The following RALGPS2 variants were observed in gnomAD, a reference collection of about 807,000 sequenced individuals.
RALGPS2 encodes ras-specific guanine nucleotide-releasing factor RalGPS2.
RALGPS2 carries 43 observed loss-of-function variants against 86.8 expected under a neutral mutation model. The observed-to-expected ratio is 0.50, with a 90% confidence interval of 0.39 to 0.64. The LOEUF (loss-of-function observed/expected upper bound fraction) is 0.64, where lower values mean the gene tolerates loss of function less well. Among genes scored for constraint, RALGPS2 ranks in the 30% least tolerant of loss-of-function variants. RALGPS2 has a pLI of 0.00. For missense variants in RALGPS2, 536 were observed against 694.6 expected, an observed-to-expected ratio of 0.77 and a Z score of 2.57; for synonymous variants, 243 against 231.3, an observed-to-expected ratio of 1.05 and a Z score of -0.46.
At chr1:178,791,372 C>G (rs1653948957) in intron 4 of RALGPS2, among the ~76,000 whole-genome samples, 1 of 151,718 alleles carries the variant, frequency 6.6e-6, no homozygotes, top group Non-Finnish European at 1.5e-5. Context: ...CAAGCGATCC[C>G]CCGGCCTCGG....
intron 4 of RALGPS2, among the ~76,000 whole-genome samples, chr1:178,793,242 T>A (rs1035526821): frequency 2.0e-5 from 3 of 152,098 alleles, no homozygotes; most frequent in African/African-American, 7.2e-5. Flanking sequence ...GCCTTGAAAT[T>A]TTTTTTAAAT....
chr1:178,818,556 G>A lies in RALGPS2; in HGVS notation c.388-3056G>A, dbSNP rs145566569. Among the ~76,000 whole-genome samples, 118 of 152,262 alleles carry A rather than the reference G, an allele frequency of 7.7e-4. 4 individuals carry two copies. The East Asian group carries it at 0.022, about 28-fold the overall frequency. The stretch of plus-strand genomic sequence containing the variant: ...ATCTAAGTCCCAGAGATCTCTCTCT[G>A]CTTTCTAACCCAGCTGTCAGCCTCC... On this transcript the variant is annotated intron_variant, in intron 6 of 19. Coordinates refer to ENST00000367635, the MANE Select transcript of RALGPS2 (RefSeq NM_152663.5).
intron 4 of RALGPS2, among the ~76,000 whole-genome samples, chr1:178,802,122 G>T (rs1379096998): frequency 6.6e-6 from 1 of 151,928 alleles, no homozygotes; most frequent in Non-Finnish European, 1.5e-5. Flanking sequence ...ACTACTCATA[G>T]CCTACCATTG....
intron 1 of RALGPS2, among the ~76,000 whole-genome samples, chr1:178,735,883 A>G (rs959395531): frequency 6.6e-6 from 1 of 151,502 alleles, no homozygotes; most frequent in African/African-American, 2.4e-5. Context: ...TATTGTGTGA[A>G]TGTATCATTA....
intron 8 of RALGPS2, among the ~76,000 whole-genome samples, chr1:178,862,033 C>T (rs1218000711): frequency 6.6e-6 from 1 of 151,940 alleles, no homozygotes; most frequent in Non-Finnish European, 1.5e-5. Flanking sequence ...CCACCATGCC[C>T]AATACTTTTT....
At chr1:178,879,078 A>T in intron 10 of RALGPS2, 86 bp downstream of exon 10, 1 of 1,516,652 alleles carries the variant, frequency 6.6e-7, no homozygotes, top group Non-Finnish European at 8.8e-7. Context: ...TCTAAATCCT[A>T]CATGGTATCA....
intron 1 of RALGPS2, among the ~76,000 whole-genome samples, chr1:178,775,921 A>G (rs1029261632): frequency 2.4e-5 from 3 of 124,306 alleles, no homozygotes; most frequent in East Asian, 4.3e-4. Flanking sequence ...TACTTGGGGC[A>G]AAAAAAAAAA....
rs1659463878 is a variant in RALGPS2, at chr1:178,885,998, T to A, written c.1070T>A (p.Phe357Tyr). ...ATTCATAAAATGAACACAGCAGAATTTAAGAGTGCAACGTTTCCAAATGCA... is the reference window on the plus strand; with the variant it reads ...ATTCATAAAATGAACACAGCAGAATATAAGAGTGCAACGTTTCCAAATGCA... ...NFIHKMNTAE[F>Y]KSATFPNAGP... is the part of the protein sequence containing the mutation. Residue 357 changes from phenylalanine (F) to tyrosine (Y), a missense_variant, in exon 13 of 20, where the codon TTT (phenylalanine) becomes TAT (tyrosine). Physicochemically the swap from Phe to Tyr is conservative, Grantham distance 22. Coordinates refer to ENST00000367635, the MANE Select transcript of RALGPS2 (RefSeq NM_152663.5). 4 of 1,609,562 alleles carry A rather than the reference T, an allele frequency of 2.5e-6. No homozygotes were observed. Among genetic ancestry groups the A allele is most frequent in the Non-Finnish European group, 1.7e-6 (2 of 1,178,016 alleles).
intron 8 of RALGPS2, among the ~76,000 whole-genome samples, chr1:178,834,421 A>G (rs1293689560): frequency 6.6e-6 from 1 of 152,210 alleles, no homozygotes; most frequent in Non-Finnish European, 1.5e-5. Flanking sequence ...TTACAGTCCC[A>G]GTGACTAGAA....
intron 8 of RALGPS2, among the ~76,000 whole-genome samples, chr1:178,869,867 A>G (rs1216943953): frequency 6.6e-6 from 1 of 152,112 alleles, no homozygotes; most frequent in Non-Finnish European, 1.5e-5. Flanking sequence ...TTTATAATGC[A>G]TGTAAAAAAA....
At chr1:178,752,317 A>ATTT (rs562112755) in intron 1 of RALGPS2, among the ~76,000 whole-genome samples, 1 of 137,188 alleles carries the variant, frequency 7.3e-6, no homozygotes. Flanking sequence ...CTAATTTTTA[A>ATTT]TTTTTTTTTT....
chr1:178,880,769 A>G (rs80013022), intron 10 of RALGPS2, among the ~76,000 whole-genome samples: 6,558 of 152,288 alleles, frequency 0.043, 205 homozygotes, highest in African/African-American at 0.079. Flanking sequence ...ATCTAAGAAA[A>G]TTTTGCACAG....
intron 1 of RALGPS2, chr1:178,725,657 C>T (rs1030087662): frequency 1.3e-5 from 2 of 151,782 alleles, no homozygotes; most frequent in Admixed American, 6.6e-5. Flanking sequence ...TTCTCAGAGT[C>T]GGAGCGGCCG....
chr1:178,880,941 G>T (rs1406857217), intron 10 of RALGPS2, among the ~76,000 whole-genome samples: 2 of 152,138 alleles, frequency 1.3e-5, no homozygotes, highest in Non-Finnish European at 2.9e-5. Flanking sequence ...CTTCATTTTT[G>T]TAGGAAAGCT....
chr1:178,736,254 C>G (rs1384894124), intron 1 of RALGPS2, among the ~76,000 whole-genome samples: 3 of 149,500 alleles, frequency 2.0e-5, no homozygotes, highest in Admixed American at 1.3e-4. Flanking sequence ...GCCTCCGCCT[C>G]CTGGGTTCAA....
chr1:178,866,184 A>C (rs1049318372), intron 8 of RALGPS2, among the ~76,000 whole-genome samples: 3 of 152,180 alleles, frequency 2.0e-5, no homozygotes, highest in Non-Finnish European at 4.4e-5. Flanking sequence ...TAAGACTATG[A>C]AAATGGTACA....
Position 178,885,159 on chromosome 1 carries a change from C to G in RALGPS2, c.988C>G (p.Pro330Ala). Residue 330 changes from proline (P) to alanine (A), a missense_variant, in exon 12 of 20, where the codon CCT becomes GCT. Physicochemically the swap from Pro to Ala is conservative, Grantham distance 27. Coordinates refer to ENST00000367635, the MANE Select transcript of RALGPS2 (RefSeq NM_152663.5). ...GALLPQTPPS[P>A]RNLIPHGHRK... ...CTTGCTCCCACAGACACCGCCATCC[C>G]CTCGGAATCTGATTCCACATGGACA... The G allele has an allele frequency of 1.2e-6, 2 of 1,613,912 alleles. No individual in the cohort carries two copies.
chr1:178,849,938 A>G (rs1657065557), intron 8 of RALGPS2: 1 of 152,386 alleles, frequency 6.6e-6, no homozygotes, highest in African/African-American at 2.4e-5. Context: ...ATATTAAGGC[A>G]AGGTCACCTC....
In RALGPS2 at chr1:178,893,957, C is replaced by A; in HGVS notation, c.1364C>A (p.Pro455Gln). Residue 455 changes from proline (P) to glutamine (Q), a missense_variant, in exon 16 of 20, where the codon CCA becomes CAA. Pro to Gln is a moderately conservative substitution (Grantham distance 76). Transcript: ENST00000367635. ...GAAGATTTGGCAGTACATTTATATCCAGGAGCTGTTACTATTCAAGGTGTT... is the reference window on the plus strand; with the variant it reads ...GAAGATTTGGCAGTACATTTATATCAAGGAGCTGTTACTATTCAAGGTGTT... ...ESEDLAVHLY[P>Q]GAVTIQGVLR... 1 of 1,608,658 alleles carries A rather than the reference C, an allele frequency of 6.2e-7. No homozygotes were observed. The highest frequency in any genetic ancestry group is 8.5e-7 in the Non-Finnish European group (1 of 1,176,710).
Sources: allele counts gnomAD v4.1 joint callset (sites outside exome capture counted in the v4.1 genomes callset), GRCh38; gene constraint gnomAD v4.1.1; transcripts MANE v1.5; gene names NCBI Gene and HGNC (gene_info 2026-07-23, HGNC 2026-07-21).